The following XRRA1 variants were observed in gnomAD, a reference collection of about 807,000 sequenced individuals.
XRRA1 encodes X-ray radiation resistance-associated protein 1.
In XRRA1, 69 loss-of-function variants were observed where a neutral mutation model predicts 80.2. That is an observed-to-expected ratio of 0.86 (90% CI 0.71 to 1.05). XRRA1 has a LOEUF of 1.05. Among genes scored for constraint, XRRA1 ranks in the 50% least tolerant of loss-of-function variants. The pLI is 0.00. For missense variants in XRRA1, 967 were observed against 976.4 expected (o/e 0.99, Z 0.13); for synonymous variants, 348 against 389.9 (o/e 0.89, Z 1.27).
chr11:74,865,941 G>C (rs530033679), intron 10 of XRRA1, among the ~76,000 whole-genome samples: 8 of 152,346 alleles, frequency 5.3e-5, no homozygotes, highest in African/African-American at 1.9e-4. Context: ...CCATCGCTCA[G>C]TGCTGAGATG....
intron 2 of XRRA1, among the ~76,000 whole-genome samples, chr11:74,942,528 G>A (rs1295222554): frequency 6.6e-6 from 1 of 152,194 alleles, no homozygotes; most frequent in African/African-American, 2.4e-5. Flanking sequence ...GGGGACATGT[G>A]CTCTCTCTCA....
At chr11:74,879,376 G>A (rs542700961) in intron 10 of XRRA1, among the ~76,000 whole-genome samples, 1 of 152,282 alleles carries the variant, frequency 6.6e-6, no homozygotes, top group South Asian at 2.1e-4. Flanking sequence ...TGAGACAATG[G>A]GGTTTTCTAG....
At chr11:74,854,157 C>T (rs895125111) in intron 12 of XRRA1, among the ~76,000 whole-genome samples, 31 of 152,154 alleles carry the variant, frequency 2.0e-4, no homozygotes, top group South Asian at 8.3e-4. Context: ...TGTATGTTGG[C>T]GGTACTTTTG....
intron 10 of XRRA1, among the ~76,000 whole-genome samples, chr11:74,887,269 C>T (rs569905635): frequency 1.3e-5 from 2 of 152,278 alleles, no homozygotes; most frequent in South Asian, 4.1e-4. Flanking sequence ...AAACTATCAA[C>T]AGAGTAAACA....
At chr11:74,881,716 C>G (rs547177244) in intron 10 of XRRA1, among the ~76,000 whole-genome samples, 1 of 152,202 alleles carries the variant, frequency 6.6e-6, no homozygotes, top group African/African-American at 2.4e-5. Flanking sequence ...GTGACAAAAT[C>G]TCTCAGCATT....
intron 10 of XRRA1, among the ~76,000 whole-genome samples, chr11:74,884,413 G>C (rs1029569849): frequency 4.6e-5 from 7 of 152,138 alleles, no homozygotes; most frequent in African/African-American, 1.7e-4. Context: ...AATAAAATTT[G>C]GTTAGGGGTG....
In XRRA1 at chr11:74,921,318, A is replaced by T. The variant is rs1591433633; in HGVS notation, c.552T>A (p.Thr184=). 2 of 1,614,004 alleles carry T rather than the reference A, an allele frequency of 1.2e-6. No homozygotes were observed. Among genetic ancestry groups the T allele is most frequent in the Non-Finnish European group, 1.7e-6 (2 of 1,179,882 alleles). The change falls in exon 8 of 19, where the codon ACT becomes ACA. Residue 184 remains threonine (T), a synonymous_variant. Transcript: ENST00000684022. ...TCCCCAAATCACAGATGGCCTCCACAGTCAGGCTGTTGAAGGAAAGGTCCA... is the reference window on the plus strand; with the variant it reads ...TCCCCAAATCACAGATGGCCTCCACTGTCAGGCTGTTGAAGGAAAGGTCCA... ...EFLDLSFNSL[T]VEAICDLGIL...
At chr11:74,919,262 T>A (rs1339952479) in intron 8 of XRRA1, among the ~76,000 whole-genome samples, 1 of 152,156 alleles carries the variant, frequency 6.6e-6, no homozygotes, top group African/African-American at 2.4e-5. Flanking sequence ...GAGATTTTTC[T>A]TCAGAATATT....
intron 11 of XRRA1, among the ~76,000 whole-genome samples, chr11:74,861,225 C>A (rs2042228181): frequency 6.6e-6 from 1 of 152,182 alleles, no homozygotes; most frequent in Non-Finnish European, 1.5e-5. Flanking sequence ...GTCCCCAACC[C>A]TCGAGCCACA....
intron 15 of XRRA1, among the ~76,000 whole-genome samples, chr11:74,846,813 C>T (rs1427951081): frequency 6.6e-6 from 1 of 152,098 alleles, no homozygotes; most frequent in Non-Finnish European, 1.5e-5. Context: ...AGACTGAATG[C>T]TTTCCCCTTA....
intron 3 of XRRA1, 115 bp from the exon 4 acceptor site, chr11:74,937,183 C>T: frequency 9.2e-7 from 1 of 1,086,782 alleles, no homozygotes. Flanking sequence ...ATCTAACATG[C>T]ACCAGATACA....
At chr11:74,876,019 C>A (rs2045969814) in intron 10 of XRRA1, among the ~76,000 whole-genome samples, 1 of 152,218 alleles carries the variant, frequency 6.6e-6, no homozygotes, top group African/African-American at 2.4e-5. Context: ...TAGATACTTT[C>A]ACTAACTGGA....
At chr11:74,941,713 T>C (rs932078824) in intron 2 of XRRA1, among the ~76,000 whole-genome samples, 1 of 151,586 alleles carries the variant, frequency 6.6e-6, no homozygotes, top group Non-Finnish European at 1.5e-5. Context: ...TAGCAGTAGG[T>C]GAAAGTGGCA....
At chr11:74,916,970 T>C (rs1938925649) in intron 8 of XRRA1, among the ~76,000 whole-genome samples, 1 of 152,216 alleles carries the variant, frequency 6.6e-6, no homozygotes, top group Non-Finnish European at 1.5e-5. Context: ...TGATTTTGAA[T>C]GTCCTAGACT....
chr11:74,845,384 G>T (rs554050463), intron 15 of XRRA1, 113 bp from the exon 16 acceptor site: 7 of 1,049,298 alleles, frequency 6.7e-6, no homozygotes, highest in Non-Finnish European at 8.3e-6. Context: ...AAGGGCAAGG[G>T]TAAGACCAAG....
At chr11:74,899,838 A>G (rs542538132) in intron 10 of XRRA1, among the ~76,000 whole-genome samples, 1 of 152,286 alleles carries the variant, frequency 6.6e-6, no homozygotes, top group South Asian at 2.1e-4. Flanking sequence ...AAGAACTAAT[A>G]CCAATCCTAT....
At chr11:74,886,930 G>C (rs772021107) in intron 10 of XRRA1, among the ~76,000 whole-genome samples, 2 of 152,178 alleles carry the variant, frequency 1.3e-5, no homozygotes, top group Non-Finnish European at 2.9e-5. Context: ...ACAACCATCT[G>C]ATCTTTGACA....
chr11:74,848,168 C>T lies in XRRA1; in HGVS notation c.1675G>A (p.Glu559Lys). 1.2e-6 allele frequency: 2 copies of T among 1,613,556 alleles called. No homozygotes were observed. The highest frequency in any genetic ancestry group is 1.6e-4 in the Middle Eastern group (1 of 6,062). ...TTGGAGTCCTCATCTGATGGGCGCT[C>T]TGGGCTGAGGCGGACAGTTGTGTCA... ...LSDTTVRLSP[E>K]RPSDEDSKST... Residue 559 changes from glutamate to lysine, a missense_variant, in exon 15 of 19, where the codon GAG becomes AAG. Glu to Lys is a moderately conservative substitution (Grantham distance 56). Transcript: ENST00000684022.
intron 7 of XRRA1, among the ~76,000 whole-genome samples, chr11:74,922,727 A>G (rs540028834): frequency 6.6e-6 from 1 of 152,336 alleles, no homozygotes; most frequent in South Asian, 2.1e-4. Flanking sequence ...CTCTGCTGTA[A>G]TAATTGATAG....
Sources: gnomAD v4.1 joint callset for allele counts (sites outside exome capture counted in the v4.1 genomes callset) on GRCh38, gnomAD v4.1.1 for gene constraint, MANE v1.5 for transcripts, NCBI Gene and HGNC (gene_info 2026-07-23, HGNC 2026-07-21) for gene names.